Variants in BCO2 observed in about 807,000 individuals in gnomAD.
The protein encoded by BCO2 is beta-carotene oxygenase 2.
In BCO2, 56 loss-of-function variants were observed where a neutral mutation model predicts 65.8. That is an observed-to-expected ratio of 0.85 (90% CI 0.69 to 1.06). The LOEUF (loss-of-function observed/expected upper bound fraction) is 1.06. Ranked by LOEUF, BCO2 falls within the 50% of genes least tolerant of loss-of-function variation. BCO2 has a pLI of 0.00. For synonymous variants in BCO2, 233 were observed against 242.3 expected (o/e 0.96, Z 0.36); for missense variants, 675 against 698.5 (o/e 0.97, Z 0.38).
At chr11:112,178,348 G>A (rs748127394) in intron 1 of BCO2, among the ~76,000 whole-genome samples, 2 of 152,118 alleles carry the variant, frequency 1.3e-5, no homozygotes, top group Non-Finnish European at 2.9e-5. Flanking sequence ...AGAATGTCTC[G>A]TGTGCTTCAA....
chr11:112,175,861 AG>A (rs1284008749), intron 1 of BCO2, 172 bp downstream of exon 1: 1 of 539,108 alleles, frequency 1.9e-6, no homozygotes, highest in East Asian at 2.8e-5. Context: ...AGGCTGAGTT[AG>A]GATTGTTTCC....
chr11:112,187,045 A>G (rs1415494367), intron 2 of BCO2, among the ~76,000 whole-genome samples: 1 of 152,172 alleles, frequency 6.6e-6, no homozygotes, highest in African/African-American at 2.4e-5. Context: ...CTTGGAACTT[A>G]CTATACAGAA....
At chr11:112,215,592 C>G (rs1859649120) in intron 10 of BCO2, 1 of 153,182 alleles carries the variant, frequency 6.5e-6, no homozygotes, top group Non-Finnish European at 1.5e-5. Flanking sequence ...GCCTGTAATC[C>G]CAGCTAATTG....
chr11:112,212,395 G>A (rs1293148661), intron 8 of BCO2, among the ~76,000 whole-genome samples: 1 of 152,184 alleles, frequency 6.6e-6, no homozygotes, highest in Non-Finnish European at 1.5e-5. Flanking sequence ...CAGCACTTTG[G>A]GAGCCCAAGG....
chr11:112,203,739 C>G (rs1305851156), intron 8 of BCO2, among the ~76,000 whole-genome samples: 4 of 152,194 alleles, frequency 2.6e-5, no homozygotes. Context: ...TGAGCTACAT[C>G]TTGTCTTTGC....
chr11:112,185,353 G>A (rs1343034903), intron 2 of BCO2, among the ~76,000 whole-genome samples: 1 of 152,150 alleles, frequency 6.6e-6, no homozygotes, highest in Non-Finnish European at 1.5e-5. Context: ...TAACTCTTCA[G>A]TATAAATTTC....
chr11:112,203,330 A>T (rs555220476), intron 8 of BCO2, among the ~76,000 whole-genome samples: 3 of 152,192 alleles, frequency 2.0e-5, no homozygotes, highest in Non-Finnish European at 4.4e-5. Context: ...AAGCTTACTT[A>T]TAGCTTTATG....
At chr11:112,196,257 T>C (rs575851409) in intron 5 of BCO2, among the ~76,000 whole-genome samples, 6 of 152,250 alleles carry the variant, frequency 3.9e-5, no homozygotes, top group African/African-American at 1.2e-4. Context: ...GAATCTACTT[T>C]TTTTTTTTTC....
At chr11:112,206,453 G>A (rs1859342507) in intron 8 of BCO2, among the ~76,000 whole-genome samples, 1 of 152,160 alleles carries the variant, frequency 6.6e-6, no homozygotes, top group Non-Finnish European at 1.5e-5. Flanking sequence ...GTATTGAGTT[G>A]TAAGAGTTCT....
chr11:112,202,211 A>G (rs1411319077), intron 8 of BCO2, 21 bp downstream of exon 8: 2 of 1,585,286 alleles, frequency 1.3e-6, no homozygotes, highest in African/African-American at 1.4e-5. Flanking sequence ...GAATTTGTCA[A>G]GAGTCATCAA....
rs566699238 is a variant in BCO2 at position 112,218,840 on chromosome 11, G to A, written c.*966G>A. The A allele has an allele frequency of 6.6e-6, 1 of 152,266 alleles. No homozygotes were observed. Among genetic ancestry groups the A allele is most frequent in the Admixed American group, 6.5e-5 (1 of 15,288 alleles). The allele number at this position is 152,266 out of a possible 1,614,324, so 9.4% of individuals were successfully genotyped here. ...GCTCTTACTTGAAATAATTAAGAAA[G>A]TATTGATACAACCTTTTGAAGAGGG... On this transcript the variant is annotated 3_prime_UTR_variant, in exon 12 of 12. Transcript: ENST00000357685.
intron 4 of BCO2, 72 bp downstream of exon 4, chr11:112,194,066 G>A: frequency 1.1e-6 from 1 of 892,450 alleles, no homozygotes; most frequent in Non-Finnish European, 1.8e-6. Flanking sequence ...ACTTTTTAGA[G>A]TAGTATATAT....
intron 2 of BCO2, among the ~76,000 whole-genome samples, chr11:112,186,409 GC>G (rs57830516): frequency 0.11 from 17,194 of 152,220 alleles, 1,270 homozygotes; most frequent in East Asian, 0.39. Context: ...ACAAGGTCTT[GC>G]CTTCCCCTTG....
intron 11 of BCO2, 83 bp from the exon 12 acceptor site, chr11:112,217,678 A>T: frequency 2.2e-6 from 2 of 929,708 alleles, no homozygotes; most frequent in South Asian, 3.1e-5. Context: ...TCTCTCCATT[A>T]GGAATTTTAC....
rs781021182 is a variant in BCO2 at position 112,175,558 on chromosome 11, A to G, written c.-44A>G. 4.8e-5 allele frequency: 69 copies of G among 1,443,706 alleles called. No homozygotes were observed. The Middle Eastern group carries it at 5.2e-4, about 11-fold the overall frequency. The allele number at this position is 1,443,706 out of a possible 1,614,324, so 89.4% of individuals were successfully genotyped here. ...CTGTTTAGTAGTACTCAAAACTGCC[A>G]GTGTGAGAGGATTTGGAAATCACTG... On this transcript the variant is annotated 5_prime_UTR_variant, in exon 1 of 12. Transcript: ENST00000357685.
intron 2 of BCO2, chr11:112,181,919 C>G: frequency 1.5e-6 from 1 of 663,184 alleles, no homozygotes; most frequent in Non-Finnish European, 2.7e-6. Flanking sequence ...TCAAGATGCT[C>G]TGTTAATGGG....
intron 7 of BCO2, 107 bp downstream of exon 7, chr11:112,200,880 C>T (rs1027674283): frequency 8.1e-7 from 1 of 1,232,926 alleles, no homozygotes; most frequent in Middle Eastern, 1.9e-4. Context: ...GCATAAGACA[C>T]TTTTAATCAA....
At chr11:112,179,586 C>T in intron 2 of BCO2, 104 bp downstream of exon 2, 4 of 1,052,000 alleles carry the variant, frequency 3.8e-6, no homozygotes, top group Non-Finnish European at 5.7e-6. Context: ...ATTTCCATTC[C>T]ATCCCTTTGA....
rs1332125371 is a variant in BCO2, at chr11:112,218,846, A to G, written c.*972A>G. The G allele has an allele frequency of 6.6e-6, 1 of 152,248 alleles. No individual in the cohort carries two copies. Among genetic ancestry groups the G allele is most frequent in the Non-Finnish European group, 1.5e-5 (1 of 68,046 alleles). 9.4% of individuals were successfully genotyped at this position (152,248 alleles called of 1,614,324 possible). ...ACTTGAAATAATTAAGAAAGTATTG[A>G]TACAACCTTTTGAAGAGGGTTTTAA... On this transcript the variant is annotated 3_prime_UTR_variant, in exon 12 of 12. Coordinates refer to ENST00000357685, the MANE Select transcript of BCO2 (RefSeq NM_031938.7).
Sources: gnomAD v4.1 joint callset for allele counts (sites outside exome capture counted in the v4.1 genomes callset) on GRCh38, gnomAD v4.1.1 for gene constraint, MANE v1.5 for transcripts, NCBI Gene and HGNC (gene_info 2026-07-23, HGNC 2026-07-21) for gene names.